The following CCDC152 variants were observed in gnomAD, a reference collection of about 807,000 sequenced individuals.
CCDC152 encodes the protein coiled-coil domain-containing protein 152.
CCDC152 carries 37 observed loss-of-function variants against 38.1 expected under a neutral mutation model. The observed-to-expected ratio is 0.97, with a 90% CI of 0.75 to 1.28. The LOEUF is 1.28. Ranked by LOEUF, CCDC152 falls within the 50% of genes most tolerant of loss-of-function variation. The pLI is 0.00. For missense variants in CCDC152, 259 were observed against 292.1 expected, an observed-to-expected ratio of 0.89 and a Z score of 0.83; for synonymous variants, 83 against 87.1, an observed-to-expected ratio of 0.95 and a Z score of 0.26.
At chr5:42,761,166 ATT>A (rs1759548020) in intron 2 of CCDC152, among the ~76,000 whole-genome samples, 1 of 152,196 alleles carries the variant, frequency 6.6e-6, no homozygotes, top group South Asian at 2.1e-4. Context: ...ATGGAGGCTT[ATT>A]ATACTATTCA....
chr5:42,800,965 A>G lies in CCDC152; in HGVS notation c.*1184A>G, dbSNP rs757380639. The G allele has an allele frequency of 1.2e-5, 20 of 1,614,142 alleles. No homozygotes were observed. The highest frequency in any genetic ancestry group is 1.6e-5 in the Non-Finnish European group (19 of 1,180,056). On this transcript the variant is annotated 3_prime_UTR_variant, in exon 9 of 9. Transcript: ENST00000361970. ...AATATCAGATGTCGACAATGGCAGCATCAGCTCCTAGGAGCCAACTCTGAA... is the reference window on the plus strand; with the variant it reads ...AATATCAGATGTCGACAATGGCAGCGTCAGCTCCTAGGAGCCAACTCTGAA...
chr5:42,773,314 GA>G (rs902773714), intron 4 of CCDC152, among the ~76,000 whole-genome samples: 1 of 152,008 alleles, frequency 6.6e-6, no homozygotes, highest in African/African-American at 2.4e-5. Flanking sequence ...ATGAGATGTA[GA>G]AAAAAATTGC....
chr5:42,775,563 G>A (rs1759759430), intron 4 of CCDC152, among the ~76,000 whole-genome samples: 2 of 152,124 alleles, frequency 1.3e-5, no homozygotes, highest in South Asian at 4.1e-4. Flanking sequence ...TGCAGGAAAT[G>A]ATGAAAGAGG....
intron 7 of CCDC152, among the ~76,000 whole-genome samples, chr5:42,798,760 T>C (rs577095750): frequency 1.5e-4 from 23 of 151,278 alleles, no homozygotes; most frequent in Non-Finnish European, 2.4e-4. Flanking sequence ...AGAGAAGAGT[T>C]ATATAATGGA....
At chr5:42,771,988 A>T (rs1254175919) in intron 4 of CCDC152, among the ~76,000 whole-genome samples, 3 of 152,204 alleles carry the variant, frequency 2.0e-5, no homozygotes, top group Admixed American at 6.5e-5. Context: ...TATCCCTGAT[A>T]AACACAGACT....
chr5:42,774,445 G>T lies in CCDC152; in HGVS notation c.262+4780G>T, dbSNP rs1286397355. The stretch of plus-strand genomic sequence containing the variant: ...TTCTGTTCTTAACAAAGCCTGACTT[G>T]AAAGAAGCTATTTTATCTGAGCCTA... On this transcript the variant is annotated intron_variant, in intron 4 of 8. Coordinates refer to ENST00000361970, the MANE Select transcript of CCDC152 (RefSeq NM_001134848.2). Among the ~76,000 whole-genome samples, 4 of 152,198 alleles carry T rather than the reference G, an allele frequency of 2.6e-5. No individual in the cohort carries two copies. The East Asian group carries it at 7.7e-4, about 29-fold the overall frequency.
intron 7 of CCDC152, among the ~76,000 whole-genome samples, chr5:42,798,516 G>T (rs916867635): frequency 6.6e-6 from 1 of 152,110 alleles, no homozygotes; most frequent in Non-Finnish European, 1.5e-5. Flanking sequence ...AGGCTGAATG[G>T]CCAACTGAAA....
chr5:42,791,150 C>A (rs1266763322), intron 6 of CCDC152, among the ~76,000 whole-genome samples: 2 of 152,198 alleles, frequency 1.3e-5, no homozygotes, highest in African/African-American at 4.8e-5. Context: ...TTAATTGAGG[C>A]ATGTACCCTA....
chr5:42,797,018 T>C (rs1760085469), intron 7 of CCDC152, 62 bp downstream of exon 7: 9 of 1,242,190 alleles, frequency 7.2e-6, no homozygotes, highest in Non-Finnish European at 9.8e-6. Flanking sequence ...TGTACTTTGA[T>C]TGTTTTTCAT....
At position 42,800,599 on chromosome 5, in the gene CCDC152, T is replaced by G; in HGVS notation, c.*818T>G. 3.3e-6 allele frequency: 4 copies of G among 1,220,502 alleles called. No homozygotes were observed. Among genetic ancestry groups the G allele is most frequent in the Non-Finnish European group, 4.5e-6 (4 of 889,346 alleles). 75.6% of individuals were successfully genotyped at this position (1,220,502 alleles called of 1,614,324 possible). Reference sequence around the variant, plus strand: ...AAAATCTGGAAGCCAATTCAGTAGATTTCTCCATGTTTGCACAAATCTAAT... The same window carrying G: ...AAAATCTGGAAGCCAATTCAGTAGAGTTCTCCATGTTTGCACAAATCTAAT... On this transcript the variant is annotated 3_prime_UTR_variant, in exon 9 of 9. Coordinates refer to ENST00000361970, the MANE Select transcript of CCDC152 (RefSeq NM_001134848.2).
intron 4 of CCDC152, among the ~76,000 whole-genome samples, chr5:42,777,353 C>T (rs1370658660): frequency 1.3e-5 from 2 of 151,930 alleles, no homozygotes; most frequent in Non-Finnish European, 2.9e-5. Flanking sequence ...ATCCCAGCTA[C>T]TCGGGGGCCG....
At chr5:42,759,273 G>A (rs1374355928) in intron 2 of CCDC152, 65 bp downstream of exon 2, 2 of 921,494 alleles carry the variant, frequency 2.2e-6, no homozygotes, top group Non-Finnish European at 3.2e-6. Context: ...GCCAAGGGAA[G>A]AAGTTGGGAA....
intron 5 of CCDC152, 100 bp from the exon 6 acceptor site, chr5:42,783,374 T>A (rs1759873965): frequency 2.5e-6 from 1 of 400,402 alleles, no homozygotes; most frequent in Non-Finnish European, 3.7e-6. Context: ...TTTTAAAGTA[T>A]TTAAAAAGTA....
intron 7 of CCDC152, among the ~76,000 whole-genome samples, chr5:42,798,714 C>T (rs1760114691): frequency 6.6e-6 from 1 of 152,176 alleles, no homozygotes. Flanking sequence ...AGAGTTTATT[C>T]TTAGTCCTCA....
intron 4 of CCDC152, among the ~76,000 whole-genome samples, chr5:42,773,126 T>C (rs1458226602): frequency 6.6e-6 from 1 of 152,214 alleles, no homozygotes; most frequent in Admixed American, 6.5e-5. Context: ...TTTTGGAGGA[T>C]AGCAAGAAAA....
At chr5:42,763,878 T>C (rs971665040) in intron 3 of CCDC152, among the ~76,000 whole-genome samples, 1 of 152,198 alleles carries the variant, frequency 6.6e-6, no homozygotes, top group Non-Finnish European at 1.5e-5. Context: ...ATTTTTATAA[T>C]GGAGAAGGAC....
chr5:42,788,347 A>C (rs1759950756), intron 6 of CCDC152, among the ~76,000 whole-genome samples: 1 of 151,904 alleles, frequency 6.6e-6, no homozygotes. Context: ...AAAACAAAAA[A>C]CCCTCAAAGG....
At position 42,779,585 on chromosome 5, in the gene CCDC152, A is replaced by G. The variant is rs529312636; in HGVS notation, c.327+63A>G. On this transcript the variant is annotated intron_variant, in intron 5 of 8. Coordinates refer to ENST00000361970, the MANE Select transcript of CCDC152 (RefSeq NM_001134848.2). ...TGGAGATTTATCTTTTCAAATTAGGAAAAAAAAAGAGGTTTTTAAATTAAT... is the reference window on the plus strand; with the variant it reads ...TGGAGATTTATCTTTTCAAATTAGGGAAAAAAAAGAGGTTTTTAAATTAAT... 128 of 776,238 alleles carry G rather than the reference A, an allele frequency of 1.6e-4. No individual in the cohort carries two copies. In the African/African-American group the frequency reaches 4.8e-3, roughly 29 times the overall value. The allele number at this position is 776,238 out of a possible 1,614,324, so 48.1% of individuals were successfully genotyped here.
chr5:42,773,899 T>C (rs1759732791), intron 4 of CCDC152, among the ~76,000 whole-genome samples: 1 of 152,214 alleles, frequency 6.6e-6, no homozygotes, highest in South Asian at 2.1e-4. Context: ...TGAAAATGTG[T>C]CCCTTTTAAG....
Sources: allele counts gnomAD v4.1 joint callset (sites outside exome capture counted in the v4.1 genomes callset), GRCh38; gene constraint gnomAD v4.1.1; transcripts MANE v1.5; gene names NCBI Gene and HGNC (gene_info 2026-07-23, HGNC 2026-07-21).